MYO3B: variants seen among roughly 807,000 people sequenced by gnomAD.
MYO3B encodes myosin-IIIb.
A neutral mutation model predicts 174.6 loss-of-function variants in MYO3B; 156 were observed. The ratio of observed to expected loss-of-function variants is 0.89; its 90% CI spans 0.78 to 1.02. MYO3B has a LOEUF of 1.02. Ranked by LOEUF, MYO3B falls within the 50% of genes least tolerant of loss-of-function variation. The pLI is 0.00. For synonymous variants in MYO3B, 563 were observed against 569.1 expected, an observed-to-expected ratio of 0.99 and a Z score of 0.15; for missense variants, 1,632 against 1,639.4, an observed-to-expected ratio of 1.00 and a Z score of 0.08.
intron 3 of MYO3B, among the ~76,000 whole-genome samples, chr2:170,202,729 C>A (rs887082678): frequency 1.3e-5 from 2 of 152,136 alleles, no homozygotes; most frequent in Admixed American, 1.3e-4. Context: ...CCACATAGTA[C>A]CCTATTTTGT....
chr2:170,627,773 G>C (rs1251111947), intron 32 of MYO3B, among the ~76,000 whole-genome samples: 2 of 152,166 alleles, frequency 1.3e-5, no homozygotes, highest in African/African-American at 4.8e-5. Context: ...CTAACAGTCA[G>C]GACCTTCAGC....
chr2:170,548,876 C>T (rs376124561), intron 32 of MYO3B, among the ~76,000 whole-genome samples: 3 of 152,280 alleles, frequency 2.0e-5, no homozygotes, highest in African/African-American at 7.2e-5. Flanking sequence ...TTTAATTTTT[C>T]CTCTCTCAAC....
At chr2:170,237,578 A>G (rs569408842) in intron 7 of MYO3B, among the ~76,000 whole-genome samples, 14 of 151,774 alleles carry the variant, frequency 9.2e-5, no homozygotes, top group Non-Finnish European at 1.9e-4. Flanking sequence ...CTTCCACTCT[A>G]TTGACTCCAC....
chr2:170,264,273 C>T (rs892934828), intron 7 of MYO3B, among the ~76,000 whole-genome samples: 1 of 152,212 alleles, frequency 6.6e-6, no homozygotes, highest in Non-Finnish European at 1.5e-5. Flanking sequence ...CCCCAGTGCT[C>T]TGTTACATGG....
intron 32 of MYO3B, among the ~76,000 whole-genome samples, chr2:170,593,312 A>G (rs550810897): frequency 6.6e-6 from 1 of 152,280 alleles, no homozygotes; most frequent in Non-Finnish European, 1.5e-5. Flanking sequence ...TATGTTGCCC[A>G]GGCTGGTCTT....
At chr2:170,320,477 T>C (rs1433452466) in intron 7 of MYO3B, among the ~76,000 whole-genome samples, 1 of 152,180 alleles carries the variant, frequency 6.6e-6, no homozygotes, top group Non-Finnish European at 1.5e-5. Flanking sequence ...CCTATCTCAT[T>C]TTGTGAGAAA....
intron 22 of MYO3B, among the ~76,000 whole-genome samples, chr2:170,442,322 T>C (rs2094806663): frequency 6.6e-6 from 1 of 152,152 alleles, no homozygotes; most frequent in African/African-American, 2.4e-5. Context: ...ATAGCAGGTA[T>C]GTAGAGCTGT....
chr2:170,340,431 T>A (rs1380746191), intron 8 of MYO3B: 1 of 152,182 alleles, frequency 6.6e-6, no homozygotes, highest in Non-Finnish European at 1.5e-5. Context: ...GCTTGGGTAG[T>A]ATAGGGGAGA....
intron 32 of MYO3B, among the ~76,000 whole-genome samples, chr2:170,619,313 A>G (rs2105323960): frequency 6.6e-6 from 1 of 152,298 alleles, no homozygotes; most frequent in African/African-American, 2.4e-5. Flanking sequence ...GGGGAATCAC[A>G]TCACGTGCAG....
intron 16 of MYO3B, among the ~76,000 whole-genome samples, chr2:170,399,268 A>AAAAAAAAAAC (rs2094460135): frequency 2.0e-5 from 1 of 48,974 alleles, no homozygotes; most frequent in Non-Finnish European, 5.2e-5. Flanking sequence ...AAAAAAAAAG[A>AAAAAAAAAAC]GAGAGACCAG....
At chr2:170,636,325 C>T (rs2105414490) in intron 32 of MYO3B, among the ~76,000 whole-genome samples, 1 of 151,876 alleles carries the variant, frequency 6.6e-6, no homozygotes, top group Admixed American at 6.6e-5. Context: ...ACCTAACTTC[C>T]AAGGAAGGAG....
chr2:170,296,359 T>G (rs2093628739), intron 7 of MYO3B, among the ~76,000 whole-genome samples: 1 of 152,196 alleles, frequency 6.6e-6, no homozygotes, highest in Admixed American at 6.5e-5. Context: ...AAGTTGCTAT[T>G]CTGTCCGTAT....
At chr2:170,388,943 G>C (rs956848540) in intron 14 of MYO3B, among the ~76,000 whole-genome samples, 28 of 152,256 alleles carry the variant, frequency 1.8e-4, no homozygotes, top group African/African-American at 6.3e-4. Flanking sequence ...ATTTTTATGA[G>C]GTCCCCTGCT....
intron 7 of MYO3B, among the ~76,000 whole-genome samples, chr2:170,260,745 A>G (rs762020180): frequency 2.0e-5 from 3 of 152,358 alleles, no homozygotes. Context: ...TGAGAAAAAG[A>G]GCTGTTTTGA....
intron 32 of MYO3B, among the ~76,000 whole-genome samples, chr2:170,634,968 G>C (rs1340787210): frequency 6.6e-6 from 1 of 152,200 alleles, no homozygotes; most frequent in Non-Finnish European, 1.5e-5. Context: ...AACAACAGGT[G>C]CTGGAGAGGA....
chr2:170,412,735 T>C (rs1450954711), intron 22 of MYO3B, among the ~76,000 whole-genome samples: 3 of 152,220 alleles, frequency 2.0e-5, no homozygotes, highest in Non-Finnish European at 2.9e-5. Context: ...CACTTATGGC[T>C]GTTGGTCTAT....
chr2:170,522,473 C>CT (rs1046215347), intron 30 of MYO3B, among the ~76,000 whole-genome samples: 2 of 152,226 alleles, frequency 1.3e-5, no homozygotes, highest in Non-Finnish European at 2.9e-5. Flanking sequence ...GCCATTATCT[C>CT]TTTTTCTTTC....
At chr2:170,621,596 G>A (rs1023306856) in intron 32 of MYO3B, among the ~76,000 whole-genome samples, 6 of 150,706 alleles carry the variant, frequency 4.0e-5, no homozygotes, top group Admixed American at 1.3e-4. Context: ...TGCAACCTCC[G>A]CCTCCCAGGT....
chr2:170,384,253 C>A lies in MYO3B; in HGVS notation c.1290+439C>A, dbSNP rs77538392. On this transcript the variant is annotated intron_variant, in intron 12 of 34. Coordinates refer to ENST00000408978, the MANE Select transcript of MYO3B (RefSeq NM_138995.5). ...TGCACAGAGGTTGACAGTGACCATG[C>A]ACCACACCATTTAGCTGCTGAAAAA... Among the ~76,000 whole-genome samples, 625 of 152,204 alleles carry A rather than the reference C, an allele frequency of 4.1e-3. 3 individuals are homozygous for A. The highest frequency in any genetic ancestry group is 0.013 in the African/African-American group (560 of 41,520).
Sources: gnomAD v4.1 joint callset for allele counts (sites outside exome capture counted in the v4.1 genomes callset) on GRCh38, gnomAD v4.1.1 for gene constraint, MANE v1.5 for transcripts, NCBI Gene and HGNC (gene_info 2026-07-23, HGNC 2026-07-21) for gene names.